Variants in TSHZ3 observed in about 807,000 individuals in gnomAD.
TSHZ3 encodes teashirt zinc finger homeobox 3.
In TSHZ3, 10 loss-of-function variants were observed where a neutral mutation model predicts 64.5. That is an observed-to-expected ratio of 0.16 (90% CI 0.10 to 0.26). TSHZ3 has a LOEUF of 0.26. Ranked by LOEUF, TSHZ3 falls within the 10% of genes least tolerant of loss-of-function variation. The pLI is 1.00. For missense variants in TSHZ3, 1,242 were observed against 1,421.7 expected (o/e 0.87, Z 2.03); for synonymous variants, 608 against 593.1 (o/e 1.03, Z -0.36).
At chr19:31,161,636 C>T (rs1260610438) in intron 5 of TSHZ3, among the ~76,000 whole-genome samples, 2 of 152,220 alleles carry the variant, frequency 1.3e-5, no homozygotes, top group African/African-American at 2.4e-5. Context: ...CCCTCTGGGT[C>T]ACCCTTCCCC....
chr19:31,344,205 A>G (rs369197039), intron 1 of TSHZ3, among the ~76,000 whole-genome samples: 21 of 152,160 alleles, frequency 1.4e-4, no homozygotes, highest in African/African-American at 3.6e-4. Context: ...ACGCACACAC[A>G]GAGTGAACAC....
At position 31,349,215 on chromosome 19, in the gene TSHZ3, G is replaced by C. The variant is rs2021619507; in HGVS notation, c.5C>G (p.Pro2Arg). M[P>R]RRKQQAPRRA... ...CCGGGGCGCCTGCTGCTTCCTCCTC[G>C]GCATGATGCTTCTCCGGCGACTGCC... Residue 2 changes from proline (P) to arginine (R), a missense_variant, in exon 1 of 2, where the codon CCG (proline) becomes CGG (arginine). Around this residue, in one of 4 missense-constraint regions of TSHZ3, gnomAD observed 555 missense variants for 704.0 expected, o/e 0.79. Transcript: ENST00000240587. 6.5e-7 allele frequency: 1 copy of C among 1,539,898 alleles called. No individual in the cohort carries two copies. Among genetic ancestry groups the C allele is most frequent in the Non-Finnish European group, 8.7e-7 (1 of 1,143,832 alleles).
intron 4 of TSHZ3, among the ~76,000 whole-genome samples, chr19:31,226,850 A>G (rs1386058154): frequency 6.6e-6 from 1 of 152,088 alleles, no homozygotes; most frequent in Non-Finnish European, 1.5e-5. Context: ...ATATATTAGC[A>G]GATATAGGCA....
At chr19:31,298,461 T>C (rs1224209097) in intron 1 of TSHZ3, among the ~76,000 whole-genome samples, 1 of 140,518 alleles carries the variant, frequency 7.1e-6, no homozygotes, top group South Asian at 2.2e-4. Context: ...CTTGTTCTTT[T>C]TGTTTGTTTG....
intron 1 of TSHZ3, among the ~76,000 whole-genome samples, chr19:31,329,453 T>C (rs895008210): frequency 7.2e-5 from 11 of 152,340 alleles, no homozygotes; most frequent in African/African-American, 2.6e-4. Flanking sequence ...CACGCTCAAG[T>C]TTACTTGCAC....
intron 3 of TSHZ3, among the ~76,000 whole-genome samples, chr19:31,233,205 G>T (rs577672816): frequency 5.3e-4 from 81 of 152,264 alleles, no homozygotes; most frequent in African/African-American, 1.7e-3. Context: ...ATATATGAAA[G>T]TTCCAGTTGC....
chr19:31,265,694 G>A (rs1353825632), intron 1 of TSHZ3, among the ~76,000 whole-genome samples: 2 of 152,178 alleles, frequency 1.3e-5, no homozygotes, highest in Non-Finnish European at 2.9e-5. Flanking sequence ...GCAGAGCCAG[G>A]CCTGCTGCTC....
intron 1 of TSHZ3, among the ~76,000 whole-genome samples, chr19:31,340,420 T>C (rs991186646): frequency 2.4e-5 from 2 of 83,668 alleles, no homozygotes; most frequent in Admixed American, 2.9e-4. Flanking sequence ...ACACTCCCCC[T>C]CCCGCCTGAA....
chr19:31,168,209 C>A (rs940644451), intron 5 of TSHZ3, among the ~76,000 whole-genome samples: 1 of 151,838 alleles, frequency 6.6e-6, no homozygotes, highest in Non-Finnish European at 1.5e-5. Context: ...CTGTTATTAT[C>A]CAAGATGTGA....
intron 5 of TSHZ3, among the ~76,000 whole-genome samples, chr19:31,160,245 C>A (rs949530101): frequency 6.6e-6 from 1 of 152,142 alleles, no homozygotes; most frequent in African/African-American, 2.4e-5. Context: ...GCTGTGGACT[C>A]TGGAGGCCTC....
chr19:31,311,009 T>A (rs1054770689), intron 1 of TSHZ3, among the ~76,000 whole-genome samples: 2 of 152,154 alleles, frequency 1.3e-5, no homozygotes, highest in African/African-American at 4.8e-5. Context: ...TCCAGGAAAC[T>A]CCTGCCTGTG....
chr19:31,332,023 TCTAA>T (rs773764611), intron 1 of TSHZ3, among the ~76,000 whole-genome samples: 2 of 152,114 alleles, frequency 1.3e-5, no homozygotes, highest in Non-Finnish European at 2.9e-5. Context: ...CTTTTCCCCC[TCTAA>T]CTGAGTCTCC....
chr19:31,285,309 A>G (rs1976437606), intron 1 of TSHZ3, among the ~76,000 whole-genome samples: 1 of 151,988 alleles, frequency 6.6e-6, no homozygotes, highest in Admixed American at 6.6e-5. Context: ...GCAAGACCTC[A>G]TCTTTATAAT....
intron 1 of TSHZ3, among the ~76,000 whole-genome samples, chr19:31,302,765 C>A (rs1976775782): frequency 6.6e-6 from 1 of 152,150 alleles, no homozygotes; most frequent in South Asian, 2.1e-4. Flanking sequence ...CCTCAAATTG[C>A]ACTTCCATAT....
intron 1 of TSHZ3, among the ~76,000 whole-genome samples, chr19:31,331,609 T>C (rs1196400343): frequency 6.6e-6 from 1 of 152,138 alleles, no homozygotes; most frequent in Non-Finnish European, 1.5e-5. Context: ...GGAAATGCCA[T>C]GGACGCACAG....
rs185221719 is a variant in TSHZ3, at chr19:31,296,616, G to A, written c.41-16864C>T. 3.0e-4 allele frequency among the ~76,000 whole-genome samples: 46 copies of A among 152,276 alleles called. No homozygotes were observed. In the East Asian group the frequency reaches 7.7e-3, roughly 26 times the overall value. ...CTCCCAAAGTGCTGGGATTACAGGC[G>A]TGGGCCACCTTGCCCAGTTAGTACT... On this transcript the variant is annotated intron_variant, in intron 1 of 1. Coordinates refer to ENST00000240587, the MANE Select transcript of TSHZ3 (RefSeq NM_020856.4).
At chr19:31,346,969 G>C (rs967330901) in intron 1 of TSHZ3, among the ~76,000 whole-genome samples, 17 of 151,978 alleles carry the variant, frequency 1.1e-4, no homozygotes, top group Admixed American at 1.3e-4. Context: ...GTATGGGAAA[G>C]AAATAAAGCA....
At chr19:31,191,093 G>T (rs1194219417) in intron 5 of TSHZ3, among the ~76,000 whole-genome samples, 2 of 152,130 alleles carry the variant, frequency 1.3e-5, no homozygotes, top group Non-Finnish European at 2.9e-5. Context: ...TGGGATGTCA[G>T]AAAGTGAGGA....
At chr19:31,334,001 A>C (rs898395316) in intron 1 of TSHZ3, among the ~76,000 whole-genome samples, 2 of 152,184 alleles carry the variant, frequency 1.3e-5, no homozygotes, top group African/African-American at 4.8e-5. Context: ...ACACTACATC[A>C]GAAAGTATGG....
Sources: gnomAD v4.1 joint callset for allele counts (sites outside exome capture counted in the v4.1 genomes callset) on GRCh38, gnomAD v4.1.1 for gene constraint, gnomAD v4.1.1 regional missense constraint, MANE v1.5 for transcripts, NCBI Gene and HGNC (gene_info 2026-07-23, HGNC 2026-07-21) for gene names.